Variants in CHP1 observed in about 807,000 individuals in gnomAD.
CHP1 encodes the protein calcineurin B homologous protein 1.
A neutral mutation model predicts 27.4 loss-of-function variants in CHP1; 11 were observed. That is an observed-to-expected ratio of 0.40 (90% CI 0.25 to 0.67). CHP1 has a LOEUF of 0.67. Among genes scored for constraint, CHP1 ranks in the 30% least tolerant of loss-of-function variants. The pLI, the probability that CHP1 is intolerant of heterozygous loss-of-function variation, is 0.38. For synonymous variants in CHP1, 89 were observed against 87.4 expected, an observed-to-expected ratio of 1.02 and a Z score of -0.10; for missense variants, 169 against 251.3, an observed-to-expected ratio of 0.67 and a Z score of 2.22.
chr15:41,241,316 T>C (rs753096133), intron 1 of CHP1, among the ~76,000 whole-genome samples: 2 of 152,264 alleles, frequency 1.3e-5, no homozygotes, highest in Non-Finnish European at 2.9e-5. Flanking sequence ...GAGTAATTAG[T>C]GCAGCAGTAA....
intron 1 of CHP1, among the ~76,000 whole-genome samples, chr15:41,238,160 C>T (rs1043377807): frequency 3.3e-5 from 5 of 151,324 alleles, no homozygotes; most frequent in African/African-American, 2.4e-5. Flanking sequence ...GTTTTTTTGG[C>T]GTGTGTTTTT....
intron 1 of CHP1, among the ~76,000 whole-genome samples, chr15:41,237,238 C>T (rs1050307664): frequency 4.6e-5 from 7 of 151,916 alleles, no homozygotes; most frequent in African/African-American, 9.7e-5. Flanking sequence ...CCTCCGCCTC[C>T]TGGCTTCAAA....
chr15:41,278,602 A>T (rs1048025683), intron 5 of CHP1, among the ~76,000 whole-genome samples, 165 bp from the exon 6 acceptor site: 1 of 152,186 alleles, frequency 6.6e-6, no homozygotes, highest in African/African-American at 2.4e-5. Flanking sequence ...TAGCACCACC[A>T]TTATATATGC....
At position 41,281,613 on chromosome 15, in the gene CHP1, C is replaced by T. The variant is rs1595485429; in HGVS notation, c.*2224C>T. The stretch of plus-strand genomic sequence containing the variant: ...AGGGGAGTAGCCAGGCTGGATGGCT[C>T]AAATATAAATGAATGAGGAATTCTT... On this transcript the variant is annotated 3_prime_UTR_variant, in exon 7 of 7. Coordinates refer to ENST00000334660, the MANE Select transcript of CHP1 (RefSeq NM_007236.5). The T allele has an allele frequency of 6.6e-6, 1 of 152,412 alleles. No individual in the cohort carries two copies. The highest frequency in any genetic ancestry group is 2.1e-4 in the South Asian group (1 of 4,822). 9.4% of individuals were successfully genotyped at this position (152,412 alleles called of 1,614,324 possible).
chr15:41,267,682 G>A (rs1055768525), intron 4 of CHP1, among the ~76,000 whole-genome samples: 2 of 149,390 alleles, frequency 1.3e-5, no homozygotes, highest in Non-Finnish European at 3.0e-5. Flanking sequence ...AAAAAAAAAA[G>A]AAGCAATAGC....
At chr15:41,273,156 A>G (rs576254709) in intron 5 of CHP1, among the ~76,000 whole-genome samples, 9 of 152,078 alleles carry the variant, frequency 5.9e-5, no homozygotes, top group Admixed American at 3.9e-4. Flanking sequence ...ATCCAGCAAT[A>G]TAAAATATAA....
intron 2 of CHP1, among the ~76,000 whole-genome samples, chr15:41,255,510 T>TA (rs1350502342): frequency 1.3e-5 from 2 of 151,504 alleles, no homozygotes; most frequent in Admixed American, 6.6e-5. Flanking sequence ...CCACCTCTAC[T>TA]AAAAATACAA....
chr15:41,262,535 A>C (rs556534196), intron 3 of CHP1, among the ~76,000 whole-genome samples: 1 of 152,330 alleles, frequency 6.6e-6, no homozygotes, highest in East Asian at 1.9e-4. Context: ...AATCTGGTTA[A>C]ATCATTTATA....
chr15:41,266,009 C>T (rs1283529669), intron 4 of CHP1, among the ~76,000 whole-genome samples: 1 of 152,042 alleles, frequency 6.6e-6, no homozygotes, highest in Non-Finnish European at 1.5e-5. Context: ...GTAGGCCAGG[C>T]GCGGTGGCTC....
intron 5 of CHP1, among the ~76,000 whole-genome samples, chr15:41,271,032 G>A (rs186190458): frequency 1.3e-5 from 2 of 152,148 alleles, no homozygotes; most frequent in Non-Finnish European, 2.9e-5. Flanking sequence ...GAGGCAGGTG[G>A]ATCACGAGGT....
intron 2 of CHP1, among the ~76,000 whole-genome samples, chr15:41,249,622 G>A (rs1172226834): frequency 2.0e-5 from 3 of 151,622 alleles, no homozygotes; most frequent in Non-Finnish European, 4.4e-5. Context: ...ACAGGTGCCC[G>A]CCACCACACC....
intron 1 of CHP1, among the ~76,000 whole-genome samples, chr15:41,233,855 A>G (rs781631710): frequency 3.9e-5 from 6 of 151,974 alleles, no homozygotes; most frequent in Non-Finnish European, 8.8e-5. Flanking sequence ...TCCAGGAGAG[A>G]TCTCCCCCTA....
chr15:41,273,744 C>T (rs1163744666), intron 5 of CHP1, among the ~76,000 whole-genome samples: 2 of 150,816 alleles, frequency 1.3e-5, no homozygotes, highest in Admixed American at 6.6e-5. Context: ...TTTCTTAAAT[C>T]GATAAAGAAT....
chr15:41,271,915 C>T (rs1283952312), intron 5 of CHP1, among the ~76,000 whole-genome samples: 1 of 152,222 alleles, frequency 6.6e-6, no homozygotes, highest in African/African-American at 2.4e-5. Context: ...CAGTAGCAGT[C>T]ACTCTATAGT....
intron 1 of CHP1, among the ~76,000 whole-genome samples, chr15:41,232,577 C>T (rs1320428014): frequency 1.3e-5 from 2 of 151,940 alleles, no homozygotes; most frequent in Non-Finnish European, 2.9e-5. Flanking sequence ...CAAAAGGACT[C>T]GGGATTCTGA....
chr15:41,244,654 C>T (rs2140925945), intron 2 of CHP1, among the ~76,000 whole-genome samples: 1 of 152,150 alleles, frequency 6.6e-6, no homozygotes, highest in Admixed American at 6.5e-5. Flanking sequence ...ACAGGACAGC[C>T]CCCATGACAA....
At chr15:41,247,196 C>T (rs2047339611) in intron 2 of CHP1, among the ~76,000 whole-genome samples, 1 of 151,560 alleles carries the variant, frequency 6.6e-6, no homozygotes, top group African/African-American at 2.4e-5. Flanking sequence ...TGGTGAAACA[C>T]CATCTTTACG....
chr15:41,262,610 G>A (rs2047439078), intron 3 of CHP1, 146 bp from the exon 4 acceptor site: 1 of 1,001,058 alleles, frequency 1.0e-6, no homozygotes, highest in African/African-American at 1.6e-5. Context: ...GGTACTGTGA[G>A]TCCCAAAGTA....
intron 3 of CHP1, among the ~76,000 whole-genome samples, chr15:41,259,358 A>G (rs1206604125): frequency 2.6e-5 from 4 of 152,080 alleles, no homozygotes; most frequent in Non-Finnish European, 5.9e-5. Context: ...CTGTCCACCA[A>G]TCTACTGCTA....
Sources: allele counts gnomAD v4.1 joint callset (sites outside exome capture counted in the v4.1 genomes callset), GRCh38; gene constraint gnomAD v4.1.1; transcripts MANE v1.5; gene names NCBI Gene and HGNC (gene_info 2026-07-23, HGNC 2026-07-21).